The following CAMTA1 variants were observed in gnomAD, a reference collection of about 807,000 sequenced individuals.
CAMTA1 encodes the protein calmodulin-binding transcription activator 1.
Under a neutral mutation model 170.9 loss-of-function variants are expected in CAMTA1, and 27 were observed. The observed-to-expected ratio is 0.16, with a 90% CI of 0.12 to 0.22. The LOEUF (loss-of-function observed/expected upper bound fraction) is 0.22. CAMTA1 is among the 10% of genes least tolerant of loss of function. CAMTA1 has a pLI of 1.00. For synonymous variants in CAMTA1, 833 were observed against 891.5 expected (o/e 0.93, Z 1.17); for missense variants, 1,619 against 2,217.2 (o/e 0.73, Z 5.42).
chr1:6,929,878 G>T (rs1377460391), intron 3 of CAMTA1, among the ~76,000 whole-genome samples: 1 of 152,190 alleles, frequency 6.6e-6, no homozygotes, highest in Non-Finnish European at 1.5e-5. Flanking sequence ...CCTCTTGGAG[G>T]TTGGATGAAA....
intron 6 of CAMTA1, among the ~76,000 whole-genome samples, chr1:7,469,879 G>C (rs1215942758): frequency 6.6e-6 from 1 of 152,134 alleles, no homozygotes; most frequent in Non-Finnish European, 1.5e-5. Flanking sequence ...TCCTCAACTC[G>C]GGCCAAGCGA....
chr1:6,796,089 T>G (rs1642413135), intron 1 of CAMTA1, among the ~76,000 whole-genome samples: 1 of 151,912 alleles, frequency 6.6e-6, no homozygotes, highest in Non-Finnish European at 1.5e-5. Flanking sequence ...TACAGGAAGT[T>G]GAGAGTGCTA....
chr1:6,955,480 T>G (rs1416594399), intron 3 of CAMTA1, among the ~76,000 whole-genome samples: 1 of 152,180 alleles, frequency 6.6e-6, no homozygotes, highest in African/African-American at 2.4e-5. Context: ...GACTCAGATC[T>G]GGGTGGAGTC....
chr1:6,821,365 G>T (rs1645568295), intron 2 of CAMTA1, among the ~76,000 whole-genome samples: 1 of 152,160 alleles, frequency 6.6e-6, no homozygotes, highest in South Asian at 2.1e-4. Context: ...ATTTGCTGCT[G>T]TGAGCATTAT....
At chr1:7,451,118 G>C (rs61772211) in intron 5 of CAMTA1, among the ~76,000 whole-genome samples, 16,265 of 152,214 alleles carry the variant, frequency 0.11, 951 homozygotes, top group South Asian at 0.16. Flanking sequence ...GGTCCAGAGA[G>C]CAAACCTCCT....
intron 4 of CAMTA1, among the ~76,000 whole-genome samples, chr1:7,108,925 G>A (rs930033522): frequency 6.6e-6 from 1 of 152,134 alleles, no homozygotes; most frequent in African/African-American, 2.4e-5. Flanking sequence ...TTGAACACTC[G>A]ACTGAGGCAG....
intron 6 of CAMTA1, among the ~76,000 whole-genome samples, chr1:7,555,165 T>C (rs1391152075): frequency 6.6e-6 from 1 of 152,126 alleles, no homozygotes; most frequent in African/African-American, 2.4e-5. Context: ...GATTGGCCTG[T>C]GGCTTTGGAA....
At chr1:7,740,116 A>C (rs1193796425) in intron 16 of CAMTA1, among the ~76,000 whole-genome samples, 1 of 152,236 alleles carries the variant, frequency 6.6e-6, no homozygotes, top group East Asian at 1.9e-4. Flanking sequence ...GTGGGGACAC[A>C]GCCAAACCAT....
chr1:6,972,199 G>C (rs1692665064), intron 3 of CAMTA1, among the ~76,000 whole-genome samples: 3 of 152,134 alleles, frequency 2.0e-5, no homozygotes, highest in Admixed American at 1.3e-4. Flanking sequence ...TCACCCCAGT[G>C]GTGAGGGAAC....
chr1:6,957,109 A>T (rs1291577082), intron 3 of CAMTA1, among the ~76,000 whole-genome samples: 2 of 152,206 alleles, frequency 1.3e-5, no homozygotes, highest in African/African-American at 4.8e-5. Flanking sequence ...CAACAGAGGG[A>T]TGATGGAGGC....
chr1:7,104,747 A>G (rs1047382697), intron 4 of CAMTA1, among the ~76,000 whole-genome samples: 1 of 152,232 alleles, frequency 6.6e-6, no homozygotes, highest in African/African-American at 2.4e-5. Context: ...CTCCAGGGAC[A>G]AGGGGTCGTG....
At chr1:7,295,104 C>T (rs1340539602) in intron 5 of CAMTA1, among the ~76,000 whole-genome samples, 1 of 152,220 alleles carries the variant, frequency 6.6e-6, no homozygotes, top group Non-Finnish European at 1.5e-5. Flanking sequence ...ACTCCACCTT[C>T]ACTTACATCT....
At chr1:6,989,255 A>G (rs950887284) in intron 3 of CAMTA1, among the ~76,000 whole-genome samples, 2 of 152,194 alleles carry the variant, frequency 1.3e-5, no homozygotes, top group African/African-American at 4.8e-5. Context: ...CACACTCGAT[A>G]AGTATCCCAA....
Position 7,469,100 on chromosome 1 carries a change from T to C in CAMTA1, c.510+1199T>C, listed in dbSNP as rs914764392. On this transcript the variant is annotated intron_variant, in intron 6 of 22. Coordinates refer to ENST00000303635, the MANE Select transcript of CAMTA1 (RefSeq NM_015215.4). ...GTTCCCAGAAATAGCCGTCTGTTGT[T>C]CAGCAAGTTCAAATGATGCCCGAGA... Among the ~76,000 whole-genome samples the C allele has an allele frequency of 2.6e-5, 4 of 152,308 alleles. No homozygotes were observed. In the East Asian group the frequency reaches 7.7e-4, roughly 29 times the overall value.
chr1:7,108,694 C>T (rs1392238693), intron 4 of CAMTA1, among the ~76,000 whole-genome samples: 1 of 152,210 alleles, frequency 6.6e-6, no homozygotes, highest in East Asian at 1.9e-4. Context: ...AGAGCCCAAA[C>T]TTATTTATTT....
At chr1:7,577,035 A>G (rs914294018) in intron 6 of CAMTA1, among the ~76,000 whole-genome samples, 1 of 151,960 alleles carries the variant, frequency 6.6e-6, no homozygotes, top group Non-Finnish European at 1.5e-5. Context: ...GAACGCCACA[A>G]CTCCTCAAGC....
chr1:7,708,308 G>A (rs537420469), intron 11 of CAMTA1, among the ~76,000 whole-genome samples: 1 of 152,062 alleles, frequency 6.6e-6, no homozygotes, highest in African/African-American at 2.4e-5. Context: ...TCCATCCTGA[G>A]CAACAGAGTG....
At chr1:7,321,319 G>A (rs1176804178) in intron 5 of CAMTA1, among the ~76,000 whole-genome samples, 2 of 152,318 alleles carry the variant, frequency 1.3e-5, no homozygotes, top group Middle Eastern at 6.8e-3. Flanking sequence ...TGATGGTTAA[G>A]CACTAGCCTT....
chr1:7,733,088 G>C (rs1056133243), intron 12 of CAMTA1, among the ~76,000 whole-genome samples: 5 of 152,018 alleles, frequency 3.3e-5, no homozygotes, highest in African/African-American at 9.7e-5. Flanking sequence ...TGTGGTCCCA[G>C]CTACTCAGGA....
Sources: gnomAD v4.1 joint callset for allele counts (sites outside exome capture counted in the v4.1 genomes callset) on GRCh38, gnomAD v4.1.1 for gene constraint, MANE v1.5 for transcripts, NCBI Gene and HGNC (gene_info 2026-07-23, HGNC 2026-07-21) for gene names.